The following ROBO2 variants were observed in gnomAD, a reference collection of about 807,000 sequenced individuals.
The protein encoded by ROBO2 is roundabout guidance receptor 2, also known as roundabout homolog 2.
In ROBO2, 53 loss-of-function variants were observed where a neutral mutation model predicts 160.8. The ratio of observed to expected loss-of-function variants is 0.33; its 90% CI spans 0.26 to 0.41. The LOEUF is 0.41. Among genes scored for constraint, ROBO2 ranks in the 10% least tolerant of loss-of-function variants. ROBO2 has a pLI of 1.00. For missense variants in ROBO2, 1,577 were observed against 1,722.4 expected, an observed-to-expected ratio of 0.92 and a Z score of 1.49; for synonymous variants, 664 against 611.7, an observed-to-expected ratio of 1.09 and a Z score of -1.26.
At chr3:76,487,823 TC>T in intron 2 of ROBO2, among the ~76,000 whole-genome samples, 1 of 152,290 alleles carries the variant, frequency 6.6e-6, no homozygotes, top group Middle Eastern at 3.4e-3. Context: ...GGCTGGCTGC[TC>T]CTAGAAGCTG....
At chr3:77,090,582 C>T (rs908683176) in intron 1 of ROBO2, among the ~76,000 whole-genome samples, 1 of 151,938 alleles carries the variant, frequency 6.6e-6, no homozygotes, top group African/African-American at 2.4e-5. Flanking sequence ...TCTCGATCTC[C>T]TGACCTCGTG....
At chr3:76,926,892 A>T (rs2077023882) in intron 2 of ROBO2, among the ~76,000 whole-genome samples, 2 of 150,908 alleles carry the variant, frequency 1.3e-5, no homozygotes, top group Admixed American at 6.6e-5. Context: ...GAAGAAGAGG[A>T]CTCCGTTTTT....
At chr3:77,130,829 T>C (rs1313202110) in intron 2 of ROBO2, among the ~76,000 whole-genome samples, 1 of 152,244 alleles carries the variant, frequency 6.6e-6, no homozygotes, top group Non-Finnish European at 1.5e-5. Flanking sequence ...CATGATTTTC[T>C]AGTGATTGCT....
In ROBO2 at chr3:76,659,832, A is replaced by G. The variant is rs150947878; in HGVS notation, c.110-438182A>G. Among the ~76,000 whole-genome samples, 1,332 of 152,220 alleles carry G rather than the reference A, an allele frequency of 8.8e-3. 12 individuals carry two copies. The highest frequency in any genetic ancestry group is 0.028 in the African/African-American group (1,155 of 41,540). On this transcript the variant is annotated intron_variant, in intron 2 of 26. Coordinates refer to the ROBO2 transcript ENST00000487694. Reference sequence around the variant, plus strand: ...GTTGTATGAGTGAGAGCTGGGAAAAACCATGGCCAGGGTGTGTCCTGTCTT... The same window carrying G: ...GTTGTATGAGTGAGAGCTGGGAAAAGCCATGGCCAGGGTGTGTCCTGTCTT...
intron 2 of ROBO2, among the ~76,000 whole-genome samples, chr3:76,929,879 G>T (rs2077228321): frequency 6.6e-6 from 1 of 152,134 alleles, no homozygotes; most frequent in African/African-American, 2.4e-5. Flanking sequence ...AAAGGCTAAG[G>T]CCCATTCTGT....
intron 2 of ROBO2, among the ~76,000 whole-genome samples, chr3:76,540,798 TTTTA>T (rs1042355214): frequency 1.1e-4 from 17 of 152,236 alleles, no homozygotes; most frequent in South Asian, 8.3e-4. Context: ...TTATTTTTAT[TTTTA>T]TTTATTTATT....
At chr3:76,671,184 T>C (rs1391011906) in intron 2 of ROBO2, among the ~76,000 whole-genome samples, 1 of 152,154 alleles carries the variant, frequency 6.6e-6, no homozygotes, top group African/African-American at 2.4e-5. Flanking sequence ...AGGTAAAATT[T>C]ACATATATTA....
chr3:77,162,945 T>C (rs182871710), intron 2 of ROBO2, among the ~76,000 whole-genome samples: 102 of 152,258 alleles, frequency 6.7e-4, no homozygotes, highest in African/African-American at 2.5e-3. Context: ...TTGTCCTGAC[T>C]CAGCCTCCCA....
At chr3:77,207,484 C>A (rs919690582) in intron 2 of ROBO2, among the ~76,000 whole-genome samples, 1 of 152,124 alleles carries the variant, frequency 6.6e-6, no homozygotes, top group Admixed American at 6.5e-5. Context: ...TTTGCTAATG[C>A]TTCTATCTTT....
chr3:76,931,028 T>C (rs1234079509), intron 2 of ROBO2, among the ~76,000 whole-genome samples: 1 of 152,022 alleles, frequency 6.6e-6, no homozygotes, highest in African/African-American at 2.4e-5. Context: ...TCTGTGAGAG[T>C]TGGAATTTTC....
chr3:77,029,750 A>C (rs577357640), intron 2 of ROBO2, among the ~76,000 whole-genome samples: 4 of 152,336 alleles, frequency 2.6e-5, no homozygotes, highest in Middle Eastern at 3.4e-3. Flanking sequence ...AATGTATACA[A>C]TTAAGTTATA....
chr3:77,050,492 C>G (rs933814020), intron 1 of ROBO2, among the ~76,000 whole-genome samples: 11 of 151,604 alleles, frequency 7.3e-5, no homozygotes, highest in Non-Finnish European at 1.5e-4. Context: ...TTCTTTACTA[C>G]TCTAATAAAC....
chr3:76,596,503 G>A (rs1380595974), intron 2 of ROBO2, among the ~76,000 whole-genome samples: 2 of 152,118 alleles, frequency 1.3e-5, no homozygotes, highest in East Asian at 3.9e-4. Context: ...AACTAGAGAA[G>A]TGTGGGATGA....
intron 8 of ROBO2, among the ~76,000 whole-genome samples, chr3:77,551,433 T>C (rs1048085065): frequency 2.6e-5 from 4 of 152,064 alleles, no homozygotes; most frequent in Non-Finnish European, 4.4e-5. Flanking sequence ...ATTTTAATTA[T>C]GCATTCACTA....
At chr3:76,148,456 A>G (rs898458190) in intron 2 of ROBO2, among the ~76,000 whole-genome samples, 1 of 152,006 alleles carries the variant, frequency 6.6e-6, no homozygotes, top group African/African-American at 2.4e-5. Flanking sequence ...CCAAACTTAA[A>G]CAAATTAAAG....
At chr3:76,864,860 G>A (rs1188196325) in intron 2 of ROBO2, among the ~76,000 whole-genome samples, 1 of 152,028 alleles carries the variant, frequency 6.6e-6, no homozygotes, top group Admixed American at 6.6e-5. Flanking sequence ...AAATAGATTT[G>A]TACTAAAATA....
At chr3:77,392,238 A>C (rs1158240698) in intron 2 of ROBO2, among the ~76,000 whole-genome samples, 1 of 152,126 alleles carries the variant, frequency 6.6e-6, no homozygotes, top group Non-Finnish European at 1.5e-5. Context: ...TCAGTTTTTA[A>C]ATTGCTAAAA....
At chr3:77,543,401 T>C (rs1013818085) in intron 6 of ROBO2, among the ~76,000 whole-genome samples, 1 of 152,214 alleles carries the variant, frequency 6.6e-6, no homozygotes, top group African/African-American at 2.4e-5. Context: ...AATAAATGGA[T>C]GAATTATGTC....
chr3:76,907,444 G>A (rs1224582433), intron 2 of ROBO2, among the ~76,000 whole-genome samples: 2 of 152,230 alleles, frequency 1.3e-5, no homozygotes, highest in South Asian at 2.1e-4. Flanking sequence ...ACAGTAGAAC[G>A]AGATTGGATG....
Sources: allele counts gnomAD v4.1 joint callset (sites outside exome capture counted in the v4.1 genomes callset), GRCh38; gene constraint gnomAD v4.1.1; transcripts MANE v1.5; gene names NCBI Gene and HGNC (gene_info 2026-07-23, HGNC 2026-07-21).